The following ZFYVE9 variants were observed in gnomAD, a reference collection of about 807,000 sequenced individuals.
The protein encoded by ZFYVE9 is zinc finger FYVE-type containing 9.
In ZFYVE9, 43 loss-of-function variants were observed where a neutral mutation model predicts 126.7. That is an observed-to-expected ratio of 0.34 (90% CI 0.27 to 0.44). The LOEUF is 0.44. ZFYVE9 is among the 20% of genes least tolerant of loss of function. ZFYVE9 has a pLI of 1.00. For synonymous variants in ZFYVE9, 521 were observed against 597.4 expected, an observed-to-expected ratio of 0.87 and a Z score of 1.87; for missense variants, 1,476 against 1,697.0, an observed-to-expected ratio of 0.87 and a Z score of 2.29.
intron 4 of ZFYVE9, among the ~76,000 whole-genome samples, chr1:52,261,717 G>A (rs995122590): frequency 2.6e-5 from 4 of 152,156 alleles, no homozygotes; most frequent in African/African-American, 9.7e-5. Context: ...GAACAGTTAG[G>A]TTATCATCAT....
intron 1 of ZFYVE9, among the ~76,000 whole-genome samples, chr1:52,163,852 A>G (rs2124515210): frequency 6.6e-6 from 1 of 152,300 alleles, no homozygotes; most frequent in South Asian, 2.1e-4. Flanking sequence ...ACCAAGAATC[A>G]AGCTCTAGGC....
chr1:52,161,937 C>CA (rs760164661), intron 1 of ZFYVE9, among the ~76,000 whole-genome samples: 11,264 of 132,162 alleles, frequency 0.085, 520 homozygotes, highest in African/African-American at 0.15. Flanking sequence ...TTAGTAAAAG[C>CA]AAAAAAAAAA....
At chr1:52,200,829 C>T (rs975761816) in intron 1 of ZFYVE9, among the ~76,000 whole-genome samples, 50 of 152,038 alleles carry the variant, frequency 3.3e-4, no homozygotes, top group African/African-American at 1.2e-3. Context: ...GTGTCTTTTT[C>T]TGGCCTCTCT....
At chr1:52,318,909 C>A (rs1278908065) in intron 13 of ZFYVE9, among the ~76,000 whole-genome samples, 2 of 152,114 alleles carry the variant, frequency 1.3e-5, no homozygotes, top group African/African-American at 4.8e-5. Context: ...CCAGCCTGGG[C>A]AACACGGTGA....
intron 1 of ZFYVE9, among the ~76,000 whole-genome samples, chr1:52,170,519 A>G (rs1186360213): frequency 6.6e-6 from 1 of 151,140 alleles, no homozygotes; most frequent in Non-Finnish European, 1.5e-5. Flanking sequence ...TTTTCTTCTA[A>G]TTTTGGGTTT....
chr1:52,334,901 G>A, intron 15 of ZFYVE9, 133 bp downstream of exon 15: 1 of 792,250 alleles, frequency 1.3e-6, no homozygotes, highest in South Asian at 1.7e-5. Flanking sequence ...AATTAAAACT[G>A]CCATGAGAGT....
At chr1:52,215,247 T>C (rs1259403647) in intron 1 of ZFYVE9, among the ~76,000 whole-genome samples, 1 of 152,252 alleles carries the variant, frequency 6.6e-6, no homozygotes, top group Non-Finnish European at 1.5e-5. Flanking sequence ...ACTTCTGATA[T>C]GACTTAGTCC....
At chr1:52,245,294 T>TA (rs1177953238) in intron 4 of ZFYVE9, among the ~76,000 whole-genome samples, 1 of 150,514 alleles carries the variant, frequency 6.6e-6, no homozygotes, top group Non-Finnish European at 1.5e-5. Context: ...GGCCTCCTGG[T>TA]AAAACATACC....
At chr1:52,291,316 A>G (rs1418531489) in intron 10 of ZFYVE9, among the ~76,000 whole-genome samples, 4 of 152,178 alleles carry the variant, frequency 2.6e-5, no homozygotes, top group Non-Finnish European at 5.9e-5. Flanking sequence ...AAGACCCATA[A>G]CCATTATAAG....
chr1:52,257,233 A>G (rs1210571060), intron 4 of ZFYVE9, among the ~76,000 whole-genome samples: 4 of 152,236 alleles, frequency 2.6e-5, no homozygotes, highest in Non-Finnish European at 5.9e-5. Flanking sequence ...AACCTATTAT[A>G]TGCTACATTT....
chr1:52,169,996 T>C lies in ZFYVE9; in HGVS notation c.-143+27593T>C, dbSNP rs562564355. ...TTACATACGTTGGAACAGCCAAGAA[T>C]TCGTTTTGACCTTTTGCAGATTTTA... On this transcript the variant is annotated intron_variant, in intron 1 of 18. Coordinates refer to ENST00000287727, the MANE Select transcript of ZFYVE9 (RefSeq NM_004799.4). Among the ~76,000 whole-genome samples, 16 of 152,330 alleles carry C rather than the reference T, an allele frequency of 1.1e-4. No individual in the cohort carries two copies. In the South Asian group the frequency reaches 3.1e-3, roughly 30 times the overall value.
rs1001160181 is a variant in ZFYVE9 at position 52,142,721 on chromosome 1, T to C, written c.-143+318T>C. ...TGGGCCCGGGCCGAGCGCAGCCTCT[T>C]AGCCCGGGCCCTGCACGTACATCCC... On this transcript the variant is annotated intron_variant, in intron 1 of 18. Coordinates refer to ENST00000287727, the MANE Select transcript of ZFYVE9 (RefSeq NM_004799.4). The surrounding 1 kb of genome is among the most constrained non-coding windows in gnomAD (Gnocchi z 4.5). 1.3e-5 allele frequency among the ~76,000 whole-genome samples: 2 copies of C among 152,054 alleles called. No homozygotes were observed. Among genetic ancestry groups the C allele is most frequent in the Non-Finnish European group, 2.9e-5 (2 of 67,964 alleles).
chr1:52,317,840 A>T lies in ZFYVE9; in HGVS notation c.3438+13915A>T, dbSNP rs7535537. 9.8e-3 allele frequency among the ~76,000 whole-genome samples: 1,490 copies of T among 152,344 alleles called. 22 individuals are homozygous for T. Among genetic ancestry groups the T allele is most frequent in the African/African-American group, 0.033 (1,392 of 41,584 alleles). ...GATAAAATAGGCAAATTATTTGAAC[A>T]GTAAGTTTTCACAGCTCTCAAGATT... On this transcript the variant is annotated intron_variant, in intron 13 of 18. Coordinates refer to ENST00000287727, the MANE Select transcript of ZFYVE9 (RefSeq NM_004799.4).
At chr1:52,335,773 A>G (rs575745374) in intron 15 of ZFYVE9, among the ~76,000 whole-genome samples, 1 of 152,330 alleles carries the variant, frequency 6.6e-6, no homozygotes, top group East Asian at 1.9e-4. Context: ...TGGAAAATGT[A>G]GTCTGCCTCA....
chr1:52,207,947 A>C (rs1644993019), intron 1 of ZFYVE9, among the ~76,000 whole-genome samples: 1 of 152,222 alleles, frequency 6.6e-6, no homozygotes, highest in African/African-American at 2.4e-5. Context: ...AATATCCCGC[A>C]AAGTATAGTT....
At chr1:52,153,225 G>T (rs566016288) in intron 1 of ZFYVE9, among the ~76,000 whole-genome samples, 1 of 152,208 alleles carries the variant, frequency 6.6e-6, no homozygotes, top group Non-Finnish European at 1.5e-5. Flanking sequence ...GATTGCTACA[G>T]TCCATTCCTC....
intron 1 of ZFYVE9, among the ~76,000 whole-genome samples, chr1:52,174,910 G>A (rs1196930168): frequency 6.6e-6 from 1 of 152,166 alleles, no homozygotes; most frequent in Non-Finnish European, 1.5e-5. Flanking sequence ...GTGCACGTGA[G>A]ATGGGTGTCC....
At chr1:52,343,454 A>G (rs1646457895) in intron 17 of ZFYVE9, among the ~76,000 whole-genome samples, 1 of 151,328 alleles carries the variant, frequency 6.6e-6, no homozygotes, top group Non-Finnish European at 1.5e-5. Context: ...TCAAAAAAAA[A>G]GAAAAAAAGA....
intron 1 of ZFYVE9, chr1:52,162,368 C>T (rs1644470325): frequency 5.6e-6 from 2 of 357,036 alleles, no homozygotes; most frequent in South Asian, 3.1e-5. Flanking sequence ...TTTGCCACCA[C>T]CTCCGCCACC....
Sources: gnomAD v4.1 joint callset for allele counts (sites outside exome capture counted in the v4.1 genomes callset) on GRCh38, gnomAD v4.1.1 for gene constraint, Gnocchi (gnomAD v3.1) non-coding constraint, MANE v1.5 for transcripts, NCBI Gene and HGNC (gene_info 2026-07-23, HGNC 2026-07-21) for gene names.